The following COL23A1 variants were observed in gnomAD, a reference collection of about 807,000 sequenced individuals.
The protein encoded by COL23A1 is collagen type XXIII alpha 1 chain, also known as collagen alpha-1(XXIII) chain.
COL23A1 carries 97 observed loss-of-function variants against 99.3 expected under a neutral mutation model. The observed-to-expected ratio is 0.98, with a 90% CI of 0.83 to 1.16. COL23A1 has a LOEUF of 1.16. COL23A1 is among the 50% of genes most tolerant of loss of function. The pLI, the probability that COL23A1 is intolerant of heterozygous loss-of-function variation, is 0.00. For synonymous variants in COL23A1, 320 were observed against 308.2 expected, an observed-to-expected ratio of 1.04 and a Z score of -0.40; for missense variants, 762 against 757.4, an observed-to-expected ratio of 1.01 and a Z score of -0.07.
chr5:178,588,911 C>T (rs455087), intron 1 of COL23A1, among the ~76,000 whole-genome samples: 4,158 of 152,268 alleles, frequency 0.027, 191 homozygotes, highest in African/African-American at 0.095. Flanking sequence ...TGAGGATGCG[C>T]CCTTGGACAG....
At chr5:178,520,158 T>C (rs1759860173) in intron 2 of COL23A1, among the ~76,000 whole-genome samples, 1 of 152,098 alleles carries the variant, frequency 6.6e-6, no homozygotes, top group South Asian at 2.1e-4. Context: ...AGATGCATGT[T>C]GGATGGTCAG....
chr5:178,352,226 T>C (rs1761370260), intron 2 of COL23A1: 1 of 152,234 alleles, frequency 6.6e-6, no homozygotes, highest in Admixed American at 6.5e-5. Context: ...GGCGGTTCTG[T>C]GACTGGATCA....
intron 2 of COL23A1, chr5:178,344,740 C>T (rs922072128): frequency 3.1e-5 from 12 of 384,154 alleles, no homozygotes; most frequent in Non-Finnish European, 4.9e-5. Flanking sequence ...GACACAGAAC[C>T]TACTGAAACA....
At chr5:178,580,154 T>TC (rs1763587393) in intron 1 of COL23A1, among the ~76,000 whole-genome samples, 1 of 151,936 alleles carries the variant, frequency 6.6e-6, no homozygotes, top group Non-Finnish European at 1.5e-5. Context: ...ATGGTGAAAC[T>TC]CCATCTCTAC....
intron 14 of COL23A1, among the ~76,000 whole-genome samples, chr5:178,256,612 G>A (rs1349850015): frequency 1.3e-5 from 2 of 152,218 alleles, no homozygotes; most frequent in Non-Finnish European, 2.9e-5. Flanking sequence ...AGATGGGGAC[G>A]CTGGTGTCCA....
At chr5:178,253,000 G>A (rs960533151) in intron 16 of COL23A1, among the ~76,000 whole-genome samples, 24 of 150,142 alleles carry the variant, frequency 1.6e-4, no homozygotes, top group East Asian at 1.9e-4. Flanking sequence ...CAGCACCACC[G>A]TCTCTGACTG....
In COL23A1 at chr5:178,238,752, C is replaced by T. The variant is rs529419384; in HGVS notation, c.1621-52G>A. The T allele has an allele frequency of 3.1e-6, 5 of 1,611,910 alleles. No individual in the cohort carries two copies. In the Admixed American group the frequency reaches 5.0e-5, roughly 16 times the overall value. On this transcript the variant is annotated intron_variant, in intron 28 of 28. Coordinates refer to ENST00000390654, the MANE Select transcript of COL23A1 (RefSeq NM_173465.4). ...TGACGAGGAGCCCGAGAAGCTCCGC[C>T]CCCATCCAGGCCACCTTGCCTGGCC...
At chr5:178,501,623 G>T (rs139802716) in intron 2 of COL23A1, among the ~76,000 whole-genome samples, 1 of 152,126 alleles carries the variant, frequency 6.6e-6, no homozygotes, top group African/African-American at 2.4e-5. Flanking sequence ...CTAGCCAAAG[G>T]ACCAGGGAAG....
intron 2 of COL23A1, among the ~76,000 whole-genome samples, chr5:178,449,519 T>C (rs1402965624): frequency 6.6e-6 from 1 of 152,172 alleles, no homozygotes; most frequent in East Asian, 1.9e-4. Flanking sequence ...CTGTTTTCTA[T>C]GGTTGGATGC....
At chr5:178,286,415 C>T (rs924869312) in intron 5 of COL23A1, among the ~76,000 whole-genome samples, 13 of 152,260 alleles carry the variant, frequency 8.5e-5, no homozygotes, top group Middle Eastern at 3.4e-3. Flanking sequence ...ACAGTCACAG[C>T]GCCCCTTCTC....
chr5:178,399,510 G>A (rs1764323660), intron 2 of COL23A1, among the ~76,000 whole-genome samples: 1 of 152,188 alleles, frequency 6.6e-6, no homozygotes, highest in Non-Finnish European at 1.5e-5. Context: ...GCCGATTGCT[G>A]GGAACATGGA....
rs1766721359 is a variant in COL23A1, at chr5:178,439,083, AT to A, written c.361+121598del. 2.0e-5 allele frequency: 3 copies of A among 152,174 alleles called. No homozygotes were observed. The highest frequency in any genetic ancestry group is 6.5e-5 in the Admixed American group (1 of 15,280). 9.4% of individuals were successfully genotyped at this position (152,174 alleles called of 1,614,324 possible). On this transcript the variant is annotated intron_variant, in intron 2 of 28. Coordinates refer to ENST00000390654, the MANE Select transcript of COL23A1 (RefSeq NM_173465.4). The surrounding 1 kb of genome is among the most constrained non-coding windows in gnomAD (Gnocchi z 4.2). ...CTCTCCATGCCCAGGCTGTGCGCAG[AT>A]CAGTTACATCAGGACCCAGCCAGCA...
At chr5:178,502,195 G>GCC (rs1562029584) in intron 2 of COL23A1, among the ~76,000 whole-genome samples, 2 of 152,300 alleles carry the variant, frequency 1.3e-5, no homozygotes, top group Middle Eastern at 3.4e-3. Flanking sequence ...GCAGTGGCGT[G>GCC]ATCTCGGCCC....
chr5:178,379,278 A>G (rs1338602633), intron 2 of COL23A1, among the ~76,000 whole-genome samples: 1 of 152,222 alleles, frequency 6.6e-6, no homozygotes, highest in Non-Finnish European at 1.5e-5. Context: ...CTTGAAAGGT[A>G]TCTCATGAGT....
intron 5 of COL23A1, among the ~76,000 whole-genome samples, chr5:178,287,412 A>G (rs1233563116): frequency 6.6e-6 from 1 of 152,206 alleles, no homozygotes; most frequent in Non-Finnish European, 1.5e-5. Context: ...ATGTGCCTTC[A>G]TCTCTGCATT....
At chr5:178,329,569 G>C (rs558216200) in intron 2 of COL23A1, among the ~76,000 whole-genome samples, 2 of 152,244 alleles carry the variant, frequency 1.3e-5, no homozygotes, top group South Asian at 2.1e-4. Flanking sequence ...CAGGCTCTTA[G>C]GGACCCCGAG....
At position 178,242,134 on chromosome 5, in the gene COL23A1, C is replaced by A; in HGVS notation, c.1495-6G>T. ...CCGGGGACCCCTCGTTCTCCCTGTG[C>A]AGGAGGGGAGATGGTGGTATTGGTC... is the stretch of plus-strand genomic sequence containing the variant. On this transcript the variant is annotated splice_polypyrimidine_tract_variant and splice_region_variant and intron_variant, in intron 26 of 28. Transcript: ENST00000390654. 6.4e-7 allele frequency: 1 copy of A among 1,550,992 alleles called. No homozygotes were observed. Among genetic ancestry groups the A allele is most frequent in the Non-Finnish European group, 8.7e-7 (1 of 1,146,414 alleles).
intron 2 of COL23A1, among the ~76,000 whole-genome samples, chr5:178,392,825 C>T (rs1031656955): frequency 2.0e-5 from 3 of 152,318 alleles, no homozygotes; most frequent in Non-Finnish European, 2.9e-5. Context: ...TCAGGAAGAA[C>T]AAGACCCAAC....
intron 1 of COL23A1, among the ~76,000 whole-genome samples, chr5:178,561,690 T>A (rs1762567331): frequency 1.3e-5 from 2 of 151,614 alleles, no homozygotes; most frequent in Non-Finnish European, 2.9e-5. Flanking sequence ...GAAAAAAAAA[T>A]CCCCCTAAAA....
Sources: allele counts gnomAD v4.1 joint callset (sites outside exome capture counted in the v4.1 genomes callset), GRCh38; gene constraint gnomAD v4.1.1; non-coding constraint Gnocchi (gnomAD v3.1); transcripts MANE v1.5; gene names NCBI Gene and HGNC (gene_info 2026-07-23, HGNC 2026-07-21).